Variants in PLAC1 observed in about 807,000 individuals in gnomAD.
PLAC1 encodes placenta associated 1, also known as placenta-specific protein 1.
For missense variants in PLAC1, 136 were observed against 163.2 expected (o/e 0.83, Z 0.91); for synonymous variants, 68 against 62.1 (o/e 1.09, Z -0.44).
intron 2 of PLAC1, among the ~76,000 whole-genome samples, chrX:134,676,591 C>G (rs1471505108): frequency 5.3e-5 from 6 of 112,256 alleles, no homozygotes; most frequent in Non-Finnish European, 1.9e-5. Context: ...CTTCTTGTGA[C>G]TTAACTTTTA....
At chrX:134,756,290 A>G (rs2078756985) in intron 1 of PLAC1, among the ~76,000 whole-genome samples, 1 of 109,656 alleles carries the variant, frequency 9.1e-6, no homozygotes, top group African/African-American at 3.3e-5. Context: ...GGCTTTCCCC[A>G]CACCCAGATT....
intron 2 of PLAC1, among the ~76,000 whole-genome samples, chrX:134,572,306 T>A (rs920455782): frequency 8.9e-6 from 1 of 111,981 alleles, no homozygotes; most frequent in Non-Finnish European, 1.9e-5. Context: ...AAAGCCCAGT[T>A]TTAAGGAATT....
At chrX:134,717,328 C>T (rs1345392490) in intron 2 of PLAC1, among the ~76,000 whole-genome samples, 1 of 111,600 alleles carries the variant, frequency 9.0e-6, no homozygotes, top group Non-Finnish European at 1.9e-5. Context: ...GGTGCAATCT[C>T]GGCTCACTGC....
At chrX:134,582,857 G>A (rs1354623599) in intron 2 of PLAC1, among the ~76,000 whole-genome samples, 2 of 111,949 alleles carry the variant, frequency 1.8e-5, no homozygotes, top group African/African-American at 6.5e-5. Context: ...AAGCAATGAG[G>A]TCCTGGAGGG....
chrX:134,755,856 C>CTTTTTTTTTTT (rs776901556), intron 1 of PLAC1, among the ~76,000 whole-genome samples: 41 of 45,524 alleles, frequency 9.0e-4, no homozygotes, highest in African/African-American at 1.9e-3. Flanking sequence ...CCTTTTCTTT[C>CTTTTTTTTTTT]TTTTTTTTTT....
chrX:134,667,711 A>G (rs756758434), intron 2 of PLAC1, among the ~76,000 whole-genome samples: 1 of 111,120 alleles, frequency 9.0e-6, no homozygotes, highest in Non-Finnish European at 1.9e-5. Flanking sequence ...ACTTGAAGGC[A>G]GGAGTTTGAG....
chrX:134,621,193 C>T (rs967758246), intron 1 of PLAC1, among the ~76,000 whole-genome samples: 2 of 110,669 alleles, frequency 1.8e-5, no homozygotes, highest in Non-Finnish European at 1.9e-5. Flanking sequence ...TGCCTGTAAT[C>T]CCAGCACTTT....
At chrX:134,699,878 G>A (rs1014462785) in intron 2 of PLAC1, among the ~76,000 whole-genome samples, 1 of 111,780 alleles carries the variant, frequency 8.9e-6, no homozygotes, top group Non-Finnish European at 1.9e-5. Context: ...TCTAGCCCTG[G>A]TGTAACTAAT....
chrX:134,689,567 G>A (rs2078529569), intron 2 of PLAC1, among the ~76,000 whole-genome samples: 1 of 111,609 alleles, frequency 9.0e-6, no homozygotes, highest in Non-Finnish European at 1.9e-5. Context: ...CCGACACCGT[G>A]ATATTTGAGC....
At chrX:134,688,815 C>G (rs1308353445) in intron 2 of PLAC1, among the ~76,000 whole-genome samples, 1 of 111,938 alleles carries the variant, frequency 8.9e-6, no homozygotes, top group African/African-American at 3.2e-5. Flanking sequence ...GTTTAACGGC[C>G]TCTTTCCTGT....
At chrX:134,677,714 T>C (rs901755245) in intron 2 of PLAC1, among the ~76,000 whole-genome samples, 15 of 111,884 alleles carry the variant, frequency 1.3e-4, no homozygotes, top group African/African-American at 4.5e-4. Flanking sequence ...TTATTTTAAG[T>C]GCACTGGAAA....
At chrX:134,579,578 A>G (rs182838349) in intron 2 of PLAC1, among the ~76,000 whole-genome samples, 1 of 111,184 alleles carries the variant, frequency 9.0e-6, no homozygotes, top group East Asian at 2.8e-4. Flanking sequence ...CCCATGCATG[A>G]CTCGGGGAAG....
intron 1 of PLAC1, among the ~76,000 whole-genome samples, chrX:134,626,049 A>G (rs1014794749): frequency 2.7e-5 from 3 of 110,887 alleles, no homozygotes; most frequent in African/African-American, 9.9e-5. Context: ...CAAAAAGTGG[A>G]GCAGATTTCA....
At chrX:134,672,910 T>C (rs1386309396) in intron 2 of PLAC1, among the ~76,000 whole-genome samples, 3 of 112,543 alleles carry the variant, frequency 2.7e-5, no homozygotes, top group African/African-American at 9.7e-5. Context: ...TTCAGCTATA[T>C]ACTATTAGAG....
chrX:134,672,959 A>AACTCCTT (rs767991870), intron 2 of PLAC1, among the ~76,000 whole-genome samples: 22 of 112,329 alleles, frequency 2.0e-4, no homozygotes, highest in African/African-American at 6.5e-4. Context: ...TCAAGGCTCA[A>AACTCCTT]ACTCCTTATG....
At chrX:134,708,534 CTT>C (rs758488220) in intron 2 of PLAC1, among the ~76,000 whole-genome samples, 4 of 73,646 alleles carry the variant, frequency 5.4e-5, no homozygotes, top group African/African-American at 5.2e-5. Flanking sequence ...CATTCTGTAT[CTT>C]TTTTTTTTTT....
rs147607332 is a variant in PLAC1, at chrX:134,754,722, A to G, written n.89+9512T>C. 1.6e-3 allele frequency among the ~76,000 whole-genome samples: 169 copies of G among 103,892 alleles called. 1 individual carries two copies. The East Asian group carries it at 0.034, about 21-fold the overall frequency. The allele number at this position is 103,892 out of a possible 115,157, so 90.2% of individuals were successfully genotyped here. On this transcript the variant is annotated intron_variant and non_coding_transcript_variant, in intron 1 of 2. Coordinates refer to the PLAC1 transcript ENST00000466797. ...GCACTCATAAACAAGCTGTCTTCCA[A>G]TTTACAAATGTGCTACATTTCGAAC...
At chrX:134,669,922 T>TG (rs2078449956) in intron 2 of PLAC1, among the ~76,000 whole-genome samples, 1 of 111,830 alleles carries the variant, frequency 8.9e-6, no homozygotes, top group Non-Finnish European at 1.9e-5. Flanking sequence ...GAACCTTGGC[T>TG]GGGGTTCACA....
intron 2 of PLAC1, among the ~76,000 whole-genome samples, chrX:134,682,756 A>T (rs2078502757): frequency 1.8e-5 from 2 of 110,550 alleles, no homozygotes; most frequent in African/African-American, 3.3e-5. Flanking sequence ...AGGTTTCACC[A>T]TTTTGGCCAG....
Sources: allele counts gnomAD v4.1 joint callset (sites outside exome capture counted in the v4.1 genomes callset), GRCh38; gene constraint gnomAD v4.1.1; transcripts MANE v1.5; gene names NCBI Gene and HGNC (gene_info 2026-07-23, HGNC 2026-07-21).